The following SLC14A2 variants were observed in gnomAD, a reference collection of about 807,000 sequenced individuals.
SLC14A2 encodes the protein solute carrier family 14 member 2.
In SLC14A2, 91 loss-of-function variants were observed where a neutral mutation model predicts 104.6. The ratio of observed to expected loss-of-function variants is 0.87; its 90% CI spans 0.73 to 1.04. The LOEUF (loss-of-function observed/expected upper bound fraction) is 1.04, where lower values mean the gene tolerates loss of function less well. Among genes scored for constraint, SLC14A2 ranks in the 50% least tolerant of loss-of-function variants. The pLI, the probability that SLC14A2 is intolerant of heterozygous loss-of-function variation, is 0.00. For missense variants in SLC14A2, 1,189 were observed against 1,156.0 expected (o/e 1.03, Z -0.41); for synonymous variants, 476 against 466.4 (o/e 1.02, Z -0.27).
intron 1 of SLC14A2, among the ~76,000 whole-genome samples, chr18:45,268,964 T>TTGTGTGTGTG (rs3050837): frequency 0.055 from 7,950 of 143,498 alleles, 230 homozygotes; most frequent in Middle Eastern, 0.1. Flanking sequence ...GTTGGTGTGT[T>TTGTGTGTGTG]TGTGTGTGTG....
At chr18:45,356,538 G>A (rs184504234) in intron 1 of SLC14A2, among the ~76,000 whole-genome samples, 16 of 152,330 alleles carry the variant, frequency 1.1e-4, no homozygotes, top group Admixed American at 4.6e-4. Context: ...GGGAAACGAT[G>A]TGGGAAGTGA....
At chr18:45,675,328 G>C (rs1599166067) in intron 18 of SLC14A2, among the ~76,000 whole-genome samples, 1 of 152,120 alleles carries the variant, frequency 6.6e-6, no homozygotes, top group South Asian at 2.1e-4. Context: ...GAAAACTCCA[G>C]CTTTATTTTG....
At chr18:45,425,468 C>T (rs960866277) in intron 1 of SLC14A2, among the ~76,000 whole-genome samples, 5 of 152,318 alleles carry the variant, frequency 3.3e-5, no homozygotes, top group Middle Eastern at 3.4e-3. Flanking sequence ...CACCTGAGAA[C>T]TGTATCCTTG....
chr18:45,389,146 T>C (rs970550249), intron 1 of SLC14A2, among the ~76,000 whole-genome samples: 2 of 152,210 alleles, frequency 1.3e-5, no homozygotes, highest in African/African-American at 4.8e-5. Flanking sequence ...ATTTTGAGAT[T>C]ATGTGCTGGT....
At chr18:45,203,952 G>A in the SLC14A2 span, among the ~76,000 whole-genome samples, 2 of 152,164 alleles carry the variant, frequency 1.3e-5, no homozygotes, top group South Asian at 2.1e-4. Flanking sequence ...TTAGTACCAC[G>A]ATCTGAGAGT....
At chr18:45,306,767 C>T (rs1778042163) in intron 1 of SLC14A2, among the ~76,000 whole-genome samples, 1 of 152,116 alleles carries the variant, frequency 6.6e-6, no homozygotes, top group African/African-American at 2.4e-5. Context: ...GAACCCGCTT[C>T]TTCAATTGTA....
chr18:45,590,768 A>G (rs2044636136), intron 2 of SLC14A2, among the ~76,000 whole-genome samples: 1 of 152,258 alleles, frequency 6.6e-6, no homozygotes, highest in South Asian at 2.1e-4. Flanking sequence ...CTAGAAAATT[A>G]TCAGAGTAAA....
chr18:45,443,672 G>T, intron 1 of SLC14A2, among the ~76,000 whole-genome samples: 1 of 152,156 alleles, frequency 6.6e-6, no homozygotes, highest in Non-Finnish European at 1.5e-5. Flanking sequence ...GGGCAGAGGG[G>T]TTCTAGTTTC....
chr18:45,242,010 CT>C (rs2084322897), intron 1 of SLC14A2, among the ~76,000 whole-genome samples: 1 of 152,126 alleles, frequency 6.6e-6, no homozygotes, highest in Admixed American at 6.5e-5. Context: ...TTTTCCCAAC[CT>C]TGAAACTAAA....
At chr18:45,268,121 A>C (rs112872003) in intron 1 of SLC14A2, among the ~76,000 whole-genome samples, 116 of 152,242 alleles carry the variant, frequency 7.6e-4, no homozygotes, top group African/African-American at 2.6e-3. Flanking sequence ...AAAAAATTGT[A>C]ATCTCCAGGG....
intron 1 of SLC14A2, among the ~76,000 whole-genome samples, chr18:45,444,525 G>C (rs936210038): frequency 6.6e-6 from 1 of 152,176 alleles, no homozygotes; most frequent in Non-Finnish European, 1.5e-5. Context: ...AAGAAAAGAT[G>C]ATCTGTCCAT....
chr18:45,537,832 G>C (rs984123994), intron 2 of SLC14A2, among the ~76,000 whole-genome samples: 1 of 152,220 alleles, frequency 6.6e-6, no homozygotes, highest in Admixed American at 6.5e-5. Flanking sequence ...AGATTGACCA[G>C]GAGTTGAGTT....
chr18:45,569,377 T>G (rs1008203719), intron 2 of SLC14A2, among the ~76,000 whole-genome samples: 3 of 152,232 alleles, frequency 2.0e-5, no homozygotes. Context: ...CTTTACTCTA[T>G]TCTAAATGAT....
chr18:45,555,688 T>G (rs1044317813), intron 2 of SLC14A2, among the ~76,000 whole-genome samples: 1 of 152,188 alleles, frequency 6.6e-6, no homozygotes, highest in African/African-American at 2.4e-5. Flanking sequence ...GCTTAGACAC[T>G]CTGAGTGGAT....
chr18:45,263,675 T>C (rs980994115), intron 1 of SLC14A2, among the ~76,000 whole-genome samples: 2 of 152,224 alleles, frequency 1.3e-5, no homozygotes, highest in Non-Finnish European at 2.9e-5. Flanking sequence ...TAAGTGTTTA[T>C]GTATATCGGT....
At chr18:45,338,687 A>C (rs2085361448) in intron 1 of SLC14A2, among the ~76,000 whole-genome samples, 1 of 101,664 alleles carries the variant, frequency 9.8e-6, no homozygotes, top group African/African-American at 3.9e-5. Context: ...GCTCACAAAA[A>C]AAAAAAAAAA....
At chr18:45,431,685 G>A (rs2086517467) in intron 1 of SLC14A2, among the ~76,000 whole-genome samples, 2 of 152,194 alleles carry the variant, frequency 1.3e-5, no homozygotes, top group African/African-American at 4.8e-5. Context: ...TAATGTGTGT[G>A]CAATGTGCTT....
At chr18:45,573,224 G>T (rs1408194951) in intron 2 of SLC14A2, among the ~76,000 whole-genome samples, 1 of 152,170 alleles carries the variant, frequency 6.6e-6, no homozygotes, top group African/African-American at 2.4e-5. Flanking sequence ...ACTGGGTCCT[G>T]ATAACTGCAT....
intron 1 of SLC14A2, among the ~76,000 whole-genome samples, chr18:45,423,585 G>A (rs2086379443): frequency 6.6e-6 from 1 of 152,132 alleles, no homozygotes; most frequent in Admixed American, 6.5e-5. Flanking sequence ...TGAAGCTTGG[G>A]TAAAAAATGT....
Sources: allele counts gnomAD v4.1 joint callset (sites outside exome capture counted in the v4.1 genomes callset), GRCh38; gene constraint gnomAD v4.1.1; transcripts MANE v1.5; gene names NCBI Gene and HGNC (gene_info 2026-07-23, HGNC 2026-07-21).